The following SESN3 variants were observed in gnomAD, a reference collection of about 807,000 sequenced individuals.
The protein encoded by SESN3 is sestrin 3, also known as sestrin-3.
A neutral mutation model predicts 55.3 loss-of-function variants in SESN3; 21 were observed. That is an observed-to-expected ratio of 0.38 (90% CI 0.27 to 0.55). SESN3 has a LOEUF of 0.55. Among genes scored for constraint, SESN3 ranks in the 20% least tolerant of loss-of-function variants. SESN3 has a pLI of 0.76. For missense variants in SESN3, 408 were observed against 604.3 expected, an observed-to-expected ratio of 0.68 and a Z score of 3.41; for synonymous variants, 181 against 203.1, an observed-to-expected ratio of 0.89 and a Z score of 0.93.
At position 95,167,058 on chromosome 11, in the gene SESN3, C is replaced by T. The variant is rs1034364683; in HGVS notation, c.*6197G>A. On this transcript the variant is annotated 3_prime_UTR_variant, in exon 10 of 10. Coordinates refer to ENST00000536441, the MANE Select transcript of SESN3 (RefSeq NM_144665.4). ...ACATTTCTTTTTTCTTTTAATCCTT[C>T]CTTATCAGACTTGGGGAGCCAGTTG... The T allele has an allele frequency of 5.9e-5, 9 of 152,218 alleles. No individual in the cohort carries two copies. In the South Asian group the frequency reaches 1.9e-3, roughly 32 times the overall value. The allele number at this position is 152,218 out of a possible 1,614,324, so 9.4% of individuals were successfully genotyped here.
At chr11:95,224,957 C>T (rs1860922263) in intron 1 of SESN3, among the ~76,000 whole-genome samples, 1 of 152,140 alleles carries the variant, frequency 6.6e-6, no homozygotes, top group Non-Finnish European at 1.5e-5. Flanking sequence ...GTTTGCTATG[C>T]AATGGATGCA....
chr11:95,215,441 G>C (rs1274745505), intron 1 of SESN3, among the ~76,000 whole-genome samples: 1 of 152,156 alleles, frequency 6.6e-6, no homozygotes, highest in Non-Finnish European at 1.5e-5. Context: ...TAAAACGATA[G>C]CTACGGTCTG....
At chr11:95,181,584 G>GA (rs1860059480) in intron 6 of SESN3, among the ~76,000 whole-genome samples, 1 of 152,012 alleles carries the variant, frequency 6.6e-6, no homozygotes, top group South Asian at 2.1e-4. Context: ...CATAATACGG[G>GA]AAACATTCTG....
In SESN3 at chr11:95,177,811, G is replaced by A. The variant is rs1277217487; in HGVS notation, c.1155C>T (p.Leu385=). 1 of 1,608,240 alleles carries A rather than the reference G, an allele frequency of 6.2e-7. No homozygotes were observed. The highest frequency in any genetic ancestry group is 1.3e-5 in the African/African-American group (1 of 74,390). Residue 385 remains leucine (L), a synonymous_variant, in exon 8 of 10, where the codon CTC becomes CTT. Transcript: ENST00000536441. ...LDEKFRMVYN[L]TYNTMATHED... ...CATGGGTGGCCATAGTGTTATATGT[G>A]AGATTGTAGACCATCCGAAACTTTT...
Position 95,175,508 on chromosome 11 carries a change from T to C in SESN3, c.1382A>G (p.His461Arg). Residue 461 changes from histidine (H) to arginine (R), a missense_variant, in exon 9 of 10, where the codon CAC (histidine) becomes CGC (arginine). His to Arg is a conservative substitution (Grantham distance 29). This residue lies in a region of SESN3 where 121 missense variants were observed against 204.9 expected (regional missense o/e 0.59). Transcript: ENST00000536441. Reference protein sequence around the residue: ...MYDSYWRQFKHSEKVHVNLLL... With the variant: ...MYDSYWRQFKRSEKVHVNLLL... ...TACTGAAACACGTACTTTTTCTGAGTGTTTGAACTGCCGCCAGTAACTATC... is the reference window on the plus strand; with the variant it reads ...TACTGAAACACGTACTTTTTCTGAGCGTTTGAACTGCCGCCAGTAACTATC... 1 of 1,613,842 alleles carries C rather than the reference T, an allele frequency of 6.2e-7. No homozygotes were observed. Among genetic ancestry groups the C allele is most frequent in the Non-Finnish European group, 8.5e-7 (1 of 1,179,778 alleles).
intron 1 of SESN3, among the ~76,000 whole-genome samples, chr11:95,227,359 C>T (rs1860966550): frequency 6.6e-6 from 1 of 152,020 alleles, no homozygotes; most frequent in Non-Finnish European, 1.5e-5. Flanking sequence ...GCACACGATT[C>T]CACGCCCAGC....
chr11:95,179,862 T>C (rs974867045), intron 6 of SESN3, among the ~76,000 whole-genome samples: 5 of 152,178 alleles, frequency 3.3e-5, no homozygotes, highest in Non-Finnish European at 5.9e-5. Context: ...TTCAGGAAGA[T>C]AGCAAGGCAA....
chr11:95,192,842 C>A (rs942430986), intron 2 of SESN3, among the ~76,000 whole-genome samples: 1 of 152,046 alleles, frequency 6.6e-6, no homozygotes, highest in Non-Finnish European at 1.5e-5. Context: ...TCCAGATGAA[C>A]CACATATAAT....
intron 6 of SESN3, 169 bp downstream of exon 6, chr11:95,184,251 A>G (rs1860119419): frequency 1.6e-6 from 1 of 624,368 alleles, no homozygotes; most frequent in South Asian, 2.0e-5. Context: ...ACATTCAAGG[A>G]TGAACCAGCC....
rs1859798329 is a variant in SESN3 at position 95,168,850 on chromosome 11, G to A, written c.*4405C>T. 1 of 152,486 alleles carries A rather than the reference G, an allele frequency of 6.6e-6. No individual in the cohort carries two copies. Among genetic ancestry groups the A allele is most frequent in the African/African-American group, 2.4e-5 (1 of 41,444 alleles). The allele number at this position is 152,486 out of a possible 1,614,324, so 9.4% of individuals were successfully genotyped here. The stretch of plus-strand genomic sequence containing the variant: ...TAGACCAAGATGGGCTGAGGGAAGG[G>A]GAGGAGAGTGAGCATGTAGAGGTTG... On this transcript the variant is annotated 3_prime_UTR_variant, in exon 10 of 10. Transcript: ENST00000536441.
In SESN3 at chr11:95,230,674, C is replaced by T; in HGVS notation, c.78+109G>A. On this transcript the variant is annotated intron_variant, in intron 1 of 9. Transcript: ENST00000536441. The surrounding 1 kb of genome is among the most constrained non-coding windows in gnomAD (Gnocchi z 4.6). ...TCTCAGTCCCTGCGGAGGGACGGTG[C>T]CCGGGGATCCCTCTCAGCCTCCCCC... 1.3e-6 allele frequency: 1 copy of T among 751,930 alleles called. No individual in the cohort carries two copies. The highest frequency in any genetic ancestry group is 2.2e-6 in the Non-Finnish European group (1 of 455,438). The allele number at this position is 751,930 out of a possible 1,614,324, so 46.6% of individuals were successfully genotyped here. A position where few individuals can be genotyped will look rare whatever the true frequency, so the allele number is the denominator to read the frequency against.
intron 2 of SESN3, among the ~76,000 whole-genome samples, chr11:95,192,636 T>C (rs1860289020): frequency 6.6e-6 from 1 of 152,092 alleles, no homozygotes; most frequent in Non-Finnish European, 1.5e-5. Flanking sequence ...GAAAAATAAG[T>C]ACACATTATA....
In SESN3 at chr11:95,171,724, G is replaced by A. The variant is rs1215969533; in HGVS notation, c.*1531C>T. 1 of 152,128 alleles carries A rather than the reference G, an allele frequency of 6.6e-6. No homozygotes were observed. The highest frequency in any genetic ancestry group is 6.6e-5 in the Admixed American group (1 of 15,262). 9.4% of individuals were successfully genotyped at this position (152,128 alleles called of 1,614,324 possible). On this transcript the variant is annotated 3_prime_UTR_variant, in exon 10 of 10. Coordinates refer to ENST00000536441, the MANE Select transcript of SESN3 (RefSeq NM_144665.4). ...ATTAGCATGTATGTGTACAATTCAA[G>A]TCACCCTTAACTAACCAAAAAGTGT...
At chr11:95,191,092 A>G (rs564272111) in intron 3 of SESN3, among the ~76,000 whole-genome samples, 15 of 152,122 alleles carry the variant, frequency 9.9e-5, no homozygotes, top group Non-Finnish European at 1.8e-4. Context: ...TATAAAAACA[A>G]GATATCAAGA....
Position 95,190,206 on chromosome 11 carries a change from G to A in SESN3, c.343-245C>T, listed in dbSNP as rs146733190. Among the ~76,000 whole-genome samples, 252 of 152,046 alleles carry A rather than the reference G, an allele frequency of 1.7e-3. 1 individual carries two copies. Among genetic ancestry groups the A allele is most frequent in the African/African-American group, 5.6e-3 (234 of 41,528 alleles). ...ATTTCCTTGTCTGGAAGTTGGTATA[G>A]CTTAAGCCATAGCCCACTTTCTAGC... is the stretch of plus-strand genomic sequence containing the variant. On this transcript the variant is annotated intron_variant, in intron 3 of 9. Transcript: ENST00000536441.
At chr11:95,197,355 T>C (rs1860379842) in intron 1 of SESN3, among the ~76,000 whole-genome samples, 1 of 152,106 alleles carries the variant, frequency 6.6e-6, no homozygotes, top group Non-Finnish European at 1.5e-5. Context: ...AGATTCTCCC[T>C]ATGTAATCCC....
At chr11:95,182,027 G>T (rs1371846409) in intron 6 of SESN3, 1 of 219,584 alleles carries the variant, frequency 4.6e-6, no homozygotes. Context: ...CCTTGAAATA[G>T]CCTCTTCTAT....
At chr11:95,232,031 G>A (rs1240487659), upstream of SESN3, 20 of 152,222 alleles carry the variant, frequency 1.3e-4, no homozygotes, top group Admixed American at 1.3e-3. Context: ...GGCCAAAGGG[G>A]CTTGTTTTCT....
intron 1 of SESN3, among the ~76,000 whole-genome samples, chr11:95,211,836 G>C (rs936258089): frequency 1.3e-5 from 2 of 152,044 alleles, no homozygotes; most frequent in Non-Finnish European, 2.9e-5. Flanking sequence ...AACACAACTA[G>C]ACAACATGTT....
Sources: allele counts gnomAD v4.1 joint callset (sites outside exome capture counted in the v4.1 genomes callset), GRCh38; gene constraint gnomAD v4.1.1; regional missense constraint gnomAD v4.1.1; non-coding constraint Gnocchi (gnomAD v3.1); transcripts MANE v1.5; gene names NCBI Gene and HGNC (gene_info 2026-07-23, HGNC 2026-07-21).